Variants in KIRREL3 observed in about 807,000 individuals in gnomAD.
KIRREL3 encodes the protein kin of IRRE-like protein 3.
A neutral mutation model predicts 89.7 loss-of-function variants in KIRREL3; 36 were observed. The observed-to-expected ratio is 0.40, with a 90% confidence interval of 0.31 to 0.53. KIRREL3 has a LOEUF of 0.53. Ranked by LOEUF, KIRREL3 falls within the 20% of genes least tolerant of loss-of-function variation. The pLI is 0.49. For synonymous variants in KIRREL3, 445 were observed against 441.4 expected (o/e 1.01, Z -0.10); for missense variants, 864 against 1,056.6 (o/e 0.82, Z 2.53).
chr11:126,649,860 C>T (rs972180285), intron 1 of KIRREL3, among the ~76,000 whole-genome samples: 8 of 152,242 alleles, frequency 5.3e-5, no homozygotes, highest in African/African-American at 1.9e-4. Flanking sequence ...CCCCACATTT[C>T]CCTTCTGCAC....
chr11:126,876,594 G>A lies in KIRREL3; in HGVS notation c.55+123861C>T, dbSNP rs1189770970. 6.7e-6 allele frequency among the ~76,000 whole-genome samples: 1 copy of A among 149,760 alleles called. No homozygotes were observed. The highest frequency in any genetic ancestry group is 2.5e-5 in the African/African-American group (1 of 40,474). ...GCTCTGTCACCCAGGCTGGAGTGCAGCGGTGCGACCTTGGCCCACTGCAAC... is the reference window on the plus strand; with the variant it reads ...GCTCTGTCACCCAGGCTGGAGTGCAACGGTGCGACCTTGGCCCACTGCAAC... On this transcript the variant is annotated intron_variant, in intron 1 of 16. Coordinates refer to ENST00000525144, the MANE Select transcript of KIRREL3 (RefSeq NM_032531.4). This position sits in a 1 kb window ranked among gnomAD's most constrained non-coding sequence, Gnocchi z 4.1.
chr11:126,731,237 C>T (rs11220594), intron 1 of KIRREL3, among the ~76,000 whole-genome samples: 40,740 of 152,038 alleles, frequency 0.27, 5,603 homozygotes, highest in Non-Finnish European at 0.29. Flanking sequence ...TTCCATTTCT[C>T]CTGTTAGTCC....
chr11:126,447,079 A>G (rs1955848600), intron 8 of KIRREL3, among the ~76,000 whole-genome samples, 193 bp from the exon 9 acceptor site: 1 of 152,178 alleles, frequency 6.6e-6, no homozygotes, highest in African/African-American at 2.4e-5. Context: ...GGACTCAGGA[A>G]GCAAGGAGGA....
chr11:126,699,180 T>G (rs1051309545), intron 1 of KIRREL3, among the ~76,000 whole-genome samples: 1 of 152,176 alleles, frequency 6.6e-6, no homozygotes, highest in African/African-American at 2.4e-5. Context: ...GTGTGACCTA[T>G]TCACCAGATG....
intron 4 of KIRREL3, among the ~76,000 whole-genome samples, chr11:126,518,541 C>T (rs1248532090): frequency 6.6e-6 from 1 of 152,252 alleles, no homozygotes; most frequent in East Asian, 1.9e-4. Context: ...CAGGCAAATA[C>T]AGACTAAATT....
intron 8 of KIRREL3, among the ~76,000 whole-genome samples, chr11:126,448,378 T>C (rs1262464567): frequency 6.6e-6 from 1 of 151,970 alleles, no homozygotes; most frequent in Non-Finnish European, 1.5e-5. Context: ...GGGCAATGGA[T>C]TTGGTCATTG....
At chr11:126,625,311 T>A (rs1449210182) in intron 1 of KIRREL3, among the ~76,000 whole-genome samples, 1 of 152,132 alleles carries the variant, frequency 6.6e-6, no homozygotes, top group African/African-American at 2.4e-5. Context: ...TACCTTTAGG[T>A]AGGGTCTCTG....
In KIRREL3 at chr11:126,812,254, A is replaced by G. The variant is rs1273873829; in HGVS notation, c.55+188201T>C. Among the ~76,000 whole-genome samples the G allele has an allele frequency of 2.6e-5, 4 of 152,138 alleles. No individual in the cohort carries two copies. The highest frequency in any genetic ancestry group is 7.2e-5 in the African/African-American group (3 of 41,414). ...TGGGGTCCTTAGGATAGCGCTGTGT[A>G]TATGGCAGGCACTCATTACTATTGT... On this transcript the variant is annotated intron_variant, in intron 1 of 16. Coordinates refer to ENST00000525144, the MANE Select transcript of KIRREL3 (RefSeq NM_032531.4). This position sits in a 1 kb window ranked among gnomAD's most constrained non-coding sequence, Gnocchi z 5.2.
Position 126,537,485 on chromosome 11 carries a change from A to G in KIRREL3, c.134-10798T>C, listed in dbSNP as rs985214939. Among the ~76,000 whole-genome samples, 1 of 152,146 alleles carries G rather than the reference A, an allele frequency of 6.6e-6. No individual in the cohort carries two copies. The highest frequency in any genetic ancestry group is 6.5e-5 in the Admixed American group (1 of 15,284). On this transcript the variant is annotated intron_variant, in intron 2 of 16. Transcript: ENST00000525144. The surrounding 1 kb of genome is among the most constrained non-coding windows in gnomAD (Gnocchi z 4.3). ...AATATGGGGAAAGTAATGGAGGAGA[A>G]ATGTCATTCTGGGGTAGGAAAAAAA...
At chr11:126,869,962 G>A (rs926592484) in intron 1 of KIRREL3, among the ~76,000 whole-genome samples, 3 of 152,140 alleles carry the variant, frequency 2.0e-5, no homozygotes, top group Non-Finnish European at 4.4e-5. Flanking sequence ...TATTTATCCT[G>A]TTGTACCACC....
intron 1 of KIRREL3, among the ~76,000 whole-genome samples, chr11:126,779,791 G>T (rs1284675110): frequency 7.3e-6 from 1 of 137,380 alleles, no homozygotes; most frequent in East Asian, 5.4e-4. Context: ...CCATCATTAT[G>T]ATGCCTTCTC....
Position 126,587,323 on chromosome 11 carries a change from G to A in KIRREL3, c.56-24411C>T, listed in dbSNP as rs556909896. On this transcript the variant is annotated intron_variant, in intron 1 of 16. Transcript: ENST00000525144. This position sits in a 1 kb window ranked among gnomAD's most constrained non-coding sequence, Gnocchi z 5.2. Reference sequence around the variant, plus strand: ...GGTCAGAAAGAACACACTCTGCTCCGGTGATGGCATGTTTGGTCTGGCCTG... The same window carrying A: ...GGTCAGAAAGAACACACTCTGCTCCAGTGATGGCATGTTTGGTCTGGCCTG... Among the ~76,000 whole-genome samples the A allele has an allele frequency of 3.3e-5, 5 of 152,278 alleles. No individual in the cohort carries two copies. Among genetic ancestry groups the A allele is most frequent in the South Asian group, 2.1e-4 (1 of 4,808 alleles).
intron 1 of KIRREL3, among the ~76,000 whole-genome samples, chr11:126,919,256 A>C (rs777964749): frequency 6.6e-6 from 1 of 152,160 alleles, no homozygotes; most frequent in Non-Finnish European, 1.5e-5. Flanking sequence ...GCCATCACTA[A>C]TGTCTTTGCC....
Position 126,796,227 on chromosome 11 carries a change from C to T in KIRREL3, c.55+204228G>A, listed in dbSNP as rs11823187. Among the ~76,000 whole-genome samples the T allele has an allele frequency of 0.29, 44,452 of 151,186 alleles. 8,844 individuals carry two copies. Among genetic ancestry groups the T allele is most frequent in the African/African-American group, 0.56 (23,288 of 41,246 alleles). The stretch of plus-strand genomic sequence containing the variant: ...AGGCAAGACACAACATAAAATCAGA[C>T]TGATTCTATGTTAAAATGGTGAACA... On this transcript the variant is annotated intron_variant, in intron 1 of 16. Transcript: ENST00000525144. This position sits in a 1 kb window ranked among gnomAD's most constrained non-coding sequence, Gnocchi z 5.1.
At position 126,748,598 on chromosome 11, in the gene KIRREL3, C is replaced by T. The variant is rs114162218; in HGVS notation, c.56-185686G>A. Among the ~76,000 whole-genome samples the T allele has an allele frequency of 8.8e-3, 1,335 of 152,172 alleles. 30 individuals are homozygous for T. The highest frequency in any genetic ancestry group is 0.03 in the African/African-American group (1,263 of 41,492). ...AGGGCGGGGCAGGAAGGGAGGGAAT[C>T]GTGTGCTGTGGCAGGAAAGAAGAGG... On this transcript the variant is annotated intron_variant, in intron 1 of 16. Coordinates refer to ENST00000525144, the MANE Select transcript of KIRREL3 (RefSeq NM_032531.4). This position sits in a 1 kb window ranked among gnomAD's most constrained non-coding sequence, Gnocchi z 4.6.
chr11:126,656,307 C>G lies in KIRREL3; in HGVS notation c.56-93395G>C, dbSNP rs1291331839. On this transcript the variant is annotated intron_variant, in intron 1 of 16. Transcript: ENST00000525144. This position sits in a 1 kb window ranked among gnomAD's most constrained non-coding sequence, Gnocchi z 4.0. ...CTCCATGATTCAGTTTCTTCATTTG[C>G]AAAATAATTTAAATAAGATAATATG... The G allele has an allele frequency of 9.2e-6, 3 of 324,632 alleles. No individual in the cohort carries two copies. The highest frequency in any genetic ancestry group is 7.6e-5 in the South Asian group (3 of 39,610). The allele number at this position is 324,632 out of a possible 1,614,324, so 20.1% of individuals were successfully genotyped here.
rs1958622396 is a variant in KIRREL3, at chr11:126,522,280, G to A, written c.284-816C>T. 6.6e-6 allele frequency among the ~76,000 whole-genome samples: 1 copy of A among 152,122 alleles called. No homozygotes were observed. Among genetic ancestry groups the A allele is most frequent in the South Asian group, 2.1e-4 (1 of 4,828 alleles). On this transcript the variant is annotated intron_variant, in intron 3 of 16. Transcript: ENST00000525144. This position sits in a 1 kb window ranked among gnomAD's most constrained non-coding sequence, Gnocchi z 6.0. ...CCCAGGCTGAGAATTACAGAGAGAA[G>A]ACAGTCAGAGAGAGAAGGAAGGAAA...
At chr11:126,470,303 ACT>A (rs778993696) in intron 5 of KIRREL3, among the ~76,000 whole-genome samples, 7 of 151,880 alleles carry the variant, frequency 4.6e-5, no homozygotes, top group Non-Finnish European at 7.4e-5. Flanking sequence ...CCTCTGGACA[ACT>A]CTCTCTCTGT....
Position 126,968,625 on chromosome 11 carries a change from G to C in KIRREL3, c.55+31830C>G, listed in dbSNP as rs1170089876. ...TGGAGAAACTATTCAAATTGCTCCT[G>C]TTTACAAGTGCCCTATTAAATGTGC... is the stretch of plus-strand genomic sequence containing the variant. On this transcript the variant is annotated intron_variant, in intron 1 of 16. Coordinates refer to ENST00000525144, the MANE Select transcript of KIRREL3 (RefSeq NM_032531.4). Among the ~76,000 whole-genome samples the C allele has an allele frequency of 5.3e-4, 80 of 152,186 alleles. 1 individual carries two copies. The highest frequency in any genetic ancestry group is 5.2e-3 in the Admixed American group (79 of 15,276).
Sources: allele counts gnomAD v4.1 joint callset (sites outside exome capture counted in the v4.1 genomes callset), GRCh38; gene constraint gnomAD v4.1.1; non-coding constraint Gnocchi (gnomAD v3.1); transcripts MANE v1.5; gene names NCBI Gene and HGNC (gene_info 2026-07-23, HGNC 2026-07-21).